ZNF492: variants seen among roughly 807,000 people sequenced by gnomAD.
ZNF492 encodes the protein zinc finger protein 115 (Y20).
Under a neutral mutation model 6.4 loss-of-function variants are expected in ZNF492, and 3 were observed. The ratio of observed to expected loss-of-function variants is 0.47; its 90% CI spans 0.21 to 1.22. The LOEUF (loss-of-function observed/expected upper bound fraction) is 1.22, where lower values mean the gene tolerates loss of function less well. ZNF492 is among the 50% of genes most tolerant of loss of function. The pLI, the probability that ZNF492 is intolerant of heterozygous loss-of-function variation, is 0.22. For missense variants in ZNF492, 356 were observed against 612.5 expected (o/e 0.58, Z 4.42); for synonymous variants, 112 against 205.3 (o/e 0.55, Z 3.89).
chr19:22,663,728 A>G (rs1972082390), intron 3 of ZNF492, 72 bp from the exon 4 acceptor site: 10 of 1,359,510 alleles, frequency 7.4e-6, no homozygotes, highest in South Asian at 7.3e-5. Flanking sequence ...GTATAATTTT[A>G]TAGGTTAGAT....
At position 22,664,068 on chromosome 19, in the gene ZNF492, A is replaced by G; in HGVS notation, c.399A>G (p.Ile133Met). The G allele has an allele frequency of 1.2e-6, 2 of 1,603,324 alleles. No homozygotes were observed. Among genetic ancestry groups the G allele is most frequent in the Non-Finnish European group, 1.7e-6 (2 of 1,174,516 alleles). The change falls in exon 4 of 4, where the codon ATA (isoleucine) becomes ATG (methionine). Residue 133 changes from isoleucine to methionine, a missense_variant. Physicochemically the swap from Ile to Met is conservative, Grantham distance 10. This residue lies in a region of ZNF492 where 196 missense variants were observed against 219.4 expected (regional missense o/e 0.89). Coordinates refer to ENST00000456783, the MANE Select transcript of ZNF492 (RefSeq NM_020855.3). Reference protein sequence around the residue: ...HKFSNSNRHTIRHTGKKSFKC... With the variant: ...HKFSNSNRHTMRHTGKKSFKC... ...TTTCAAATTCAAACAGACATACGAT[A>G]AGACATACTGGAAAGAAATCTTTCA... is the stretch of plus-strand genomic sequence containing the variant.
In ZNF492 at chr19:22,647,727, G is replaced by GTTTTTTTTTTTT. The variant is rs71180575; in HGVS notation, c.-93-5571_-93-5560dup. Among the ~76,000 whole-genome samples, 358 of 92,566 alleles carry GTTTTTTTTTTTT rather than the reference G, an allele frequency of 3.9e-3. 22 individuals carry two copies. The highest frequency in any genetic ancestry group is 9.3e-3 in the East Asian group (29 of 3,128). The allele number at this position is 92,566 out of a possible 152,430, so 60.7% of individuals were successfully genotyped here. On this transcript the variant is annotated intron_variant, in intron 1 of 3. Coordinates refer to ENST00000456783, the MANE Select transcript of ZNF492 (RefSeq NM_020855.3). Reference sequence around the variant, plus strand: ...TTGCTCTTGCTTTCTAGCTCTTTTAGTTTTTTTTTTTTTTTTTTTTGAGAT... The same window carrying GTTTTTTTTTTTT: ...TTGCTCTTGCTTTCTAGCTCTTTTAGTTTTTTTTTTTTTTTTTTTTTTTTTTTTTTTTGAGAT...
intron 1 of ZNF492, among the ~76,000 whole-genome samples, chr19:22,646,511 T>C (rs1302966752): frequency 6.6e-6 from 1 of 152,336 alleles, no homozygotes; most frequent in East Asian, 1.9e-4. Context: ...TCTTTATTTC[T>C]TTCTCTTTCC....
intron 3 of ZNF492, among the ~76,000 whole-genome samples, chr19:22,656,372 A>C (rs1971996928): frequency 6.6e-6 from 1 of 151,526 alleles, no homozygotes; most frequent in Admixed American, 6.6e-5. Flanking sequence ...ACGCTAGGGC[A>C]GATTTCTGCA....
chr19:22,664,008 T>A lies in ZNF492; in HGVS notation c.339T>A (p.Phe113Leu), dbSNP rs1425719276. 3.1e-6 allele frequency: 5 copies of A among 1,610,374 alleles called. No homozygotes were observed. In the East Asian group the frequency reaches 1.1e-4, roughly 36 times the overall value. The change falls in exon 4 of 4, where the codon TTT (phenylalanine) becomes TTA (leucine). Residue 113 changes from phenylalanine to leucine, a missense_variant. By Grantham distance (22) the Phe-to-Leu change is conservative (BLOSUM62 0). Coordinates refer to ENST00000456783, the MANE Select transcript of ZNF492 (RefSeq NM_020855.3). ...TGACGACTACCCAGAACAAAATATT[T>A]CAATGTGACAAATATGTGAAAGTCT... The part of the protein sequence containing the change: ...QCLTTTQNKI[F>L]QCDKYVKVFH...
Position 22,634,333 on chromosome 19 carries a change from T to A in ZNF492, c.-235T>A. On this transcript the variant is annotated 5_prime_UTR_variant, in exon 1 of 4. Transcript: ENST00000456783. Reference sequence around the variant, plus strand: ...TCCGGGATGTGGCGGGGTCTTTGTCTCTCGCTGCAGTCGGAGTATGGTCTA... The same window carrying A: ...TCCGGGATGTGGCGGGGTCTTTGTCACTCGCTGCAGTCGGAGTATGGTCTA... 2.1e-6 allele frequency: 2 copies of A among 955,738 alleles called. No homozygotes were observed. Among genetic ancestry groups the A allele is most frequent in the Non-Finnish European group, 1.6e-6 (1 of 641,678 alleles). The allele number at this position is 955,738 out of a possible 1,614,324, so 59.2% of individuals were successfully genotyped here.
intron 1 of ZNF492, among the ~76,000 whole-genome samples, chr19:22,643,067 C>A (rs1237872966): frequency 6.6e-6 from 1 of 151,994 alleles, no homozygotes; most frequent in Non-Finnish European, 1.5e-5. Context: ...AGTTTGAGAC[C>A]AGCCTGACCA....
At position 22,666,087 on chromosome 19, in the gene ZNF492, T is replaced by G. The variant is rs1972122961; in HGVS notation, c.*822T>G. The G allele has an allele frequency of 6.6e-6, 1 of 152,114 alleles. No homozygotes were observed. Among genetic ancestry groups the G allele is most frequent in the African/African-American group, 2.4e-5 (1 of 41,460 alleles). 9.4% of individuals were successfully genotyped at this position (152,114 alleles called of 1,614,324 possible). ...AGTAAATAACTCTCAAATTACTTCA[T>G]ACAAATAATGTTGTAATTAACTCAA... On this transcript the variant is annotated 3_prime_UTR_variant, in exon 4 of 4. Coordinates refer to ENST00000456783, the MANE Select transcript of ZNF492 (RefSeq NM_020855.3).
At chr19:22,657,027 A>T (rs1160694866) in intron 3 of ZNF492, among the ~76,000 whole-genome samples, 1 of 152,066 alleles carries the variant, frequency 6.6e-6, no homozygotes, top group African/African-American at 2.4e-5. Context: ...ATAAGGCACC[A>T]TTTATTTTTC....
intron 3 of ZNF492, among the ~76,000 whole-genome samples, chr19:22,661,030 A>T (rs890276219): frequency 5.9e-5 from 9 of 151,632 alleles, no homozygotes; most frequent in Non-Finnish European, 1.3e-4. Flanking sequence ...ATGACACATT[A>T]CTTTTACCTT....
rs1035910931 is a variant in ZNF492, at chr19:22,665,827, G to GA, written c.*569dup. On this transcript the variant is annotated 3_prime_UTR_variant, in exon 4 of 4. Transcript: ENST00000456783. ...AATATTTTTGCATATACAGTAAATA[G>GA]AAAAAAATATTTAATTCAATGGTAA... 1.3e-5 allele frequency: 2 copies of GA among 152,502 alleles called. No homozygotes were observed. Among genetic ancestry groups the GA allele is most frequent in the East Asian group, 1.9e-4 (1 of 5,196 alleles). 9.4% of individuals were successfully genotyped at this position (152,502 alleles called of 1,614,324 possible).
At chr19:22,648,112 A>G (rs114485989) in intron 1 of ZNF492, among the ~76,000 whole-genome samples, 3,487 of 152,208 alleles carry the variant, frequency 0.023, 134 homozygotes, top group African/African-American at 0.079. Flanking sequence ...GGTGCTATAA[A>G]TTCCCCTTTT....
chr19:22,662,921 A>G (rs1165801536), intron 3 of ZNF492, among the ~76,000 whole-genome samples: 2 of 152,168 alleles, frequency 1.3e-5, no homozygotes, highest in East Asian at 1.9e-4. Context: ...TTTGCCGTGC[A>G]GAAGCTCTTT....
rs1972129375 is a variant in ZNF492, at chr19:22,666,420, A to C, written c.*1155A>C. 1 of 152,088 alleles carries C rather than the reference A, an allele frequency of 6.6e-6. No homozygotes were observed. Among genetic ancestry groups the C allele is most frequent in the Admixed American group, 6.5e-5 (1 of 15,268 alleles). The allele number at this position is 152,088 out of a possible 1,614,324, so 9.4% of individuals were successfully genotyped here. A position where few individuals can be genotyped will look rare whatever the true frequency, so the allele number is the denominator to read the frequency against. ...TGGCCAGGCTGGTCTCGAACTCGAG[A>C]CTTTAGGTGATCCGCCCAGCTTGGC... On this transcript the variant is annotated 3_prime_UTR_variant, in exon 4 of 4. Transcript: ENST00000456783.
chr19:22,655,015 G>A (rs1160634778), intron 3 of ZNF492, among the ~76,000 whole-genome samples: 5 of 151,678 alleles, frequency 3.3e-5, no homozygotes, highest in East Asian at 2.0e-4. Context: ...TCTTTCAGCC[G>A]GGCATGGTGG....
chr19:22,642,516 C>T (rs1249257038), intron 1 of ZNF492, among the ~76,000 whole-genome samples: 8 of 140,504 alleles, frequency 5.7e-5, no homozygotes, highest in Admixed American at 5.0e-4. Flanking sequence ...CAGCCTCCTG[C>T]GTAGCTGGGA....
At chr19:22,651,596 T>G (rs1257726707) in intron 1 of ZNF492, among the ~76,000 whole-genome samples, 1 of 152,012 alleles carries the variant, frequency 6.6e-6, no homozygotes, top group East Asian at 1.9e-4. Flanking sequence ...ACATCATGGC[T>G]TCTTACATGT....
At chr19:22,640,399 T>A (rs547159218) in intron 1 of ZNF492, among the ~76,000 whole-genome samples, 2 of 152,272 alleles carry the variant, frequency 1.3e-5, no homozygotes, top group South Asian at 4.1e-4. Context: ...TGACCTTGGG[T>A]GATCTGCCTG....
chr19:22,667,638 C>G lies in ZNF492; in HGVS notation c.*2373C>G, dbSNP rs1413004265. ...ATACAAGTATAAAATTTACACATTT[C>G]TGAGTCCTGAATAAATAAAAATAAT... On this transcript the variant is annotated 3_prime_UTR_variant, in exon 4 of 4. Transcript: ENST00000456783. The G allele has an allele frequency of 8.6e-5, 13 of 152,004 alleles. No individual in the cohort carries two copies. The highest frequency in any genetic ancestry group is 5.2e-4 in the Admixed American group (8 of 15,270). The allele number at this position is 152,004 out of a possible 1,614,324, so 9.4% of individuals were successfully genotyped here. A position where few individuals can be genotyped will look rare whatever the true frequency, so the allele number is the denominator to read the frequency against.
Sources: gnomAD v4.1 joint callset for allele counts (sites outside exome capture counted in the v4.1 genomes callset) on GRCh38, gnomAD v4.1.1 for gene constraint, gnomAD v4.1.1 regional missense constraint, MANE v1.5 for transcripts, NCBI Gene and HGNC (gene_info 2026-07-23, HGNC 2026-07-21) for gene names.